The following PTPRO variants were observed in gnomAD, a reference collection of about 807,000 sequenced individuals.
PTPRO encodes receptor-type tyrosine-protein phosphatase O.
A neutral mutation model predicts 145.2 loss-of-function variants in PTPRO; 62 were observed. The ratio of observed to expected loss-of-function variants is 0.43; its 90% CI spans 0.35 to 0.53. The LOEUF (loss-of-function observed/expected upper bound fraction) is 0.53, where lower values mean the gene tolerates loss of function less well. Among genes scored for constraint, PTPRO ranks in the 20% least tolerant of loss-of-function variants. The pLI is 0.01. For missense variants in PTPRO, 1,345 were observed against 1,482.7 expected (o/e 0.91, Z 1.53); for synonymous variants, 565 against 514.7 (o/e 1.10, Z -1.32).
At chr12:15,340,571 CTT>C (rs945614984) in intron 1 of PTPRO, among the ~76,000 whole-genome samples, 1 of 152,124 alleles carries the variant, frequency 6.6e-6, no homozygotes, top group African/African-American at 2.4e-5. Context: ...CAGGCTTATT[CTT>C]TTGTTTTTTA....
chr12:15,524,754 T>C, intron 10 of PTPRO, 60 bp from the exon 11 acceptor site: 1 of 1,532,562 alleles, frequency 6.5e-7, no homozygotes, highest in Non-Finnish European at 9.0e-7. Context: ...CATGCTCTGC[T>C]GGTAAGTACT....
intron 1 of PTPRO, among the ~76,000 whole-genome samples, chr12:15,353,008 A>T (rs1435339681): frequency 6.6e-6 from 1 of 152,210 alleles, no homozygotes; most frequent in Non-Finnish European, 1.5e-5. Context: ...CTGCCTGAGG[A>T]ATTTAATTTA....
chr12:15,361,044 C>T (rs948952661), intron 1 of PTPRO, among the ~76,000 whole-genome samples: 2 of 149,760 alleles, frequency 1.3e-5, no homozygotes, highest in Admixed American at 1.3e-4. Flanking sequence ...TAAACATATA[C>T]AAATATAAGA....
At chr12:15,560,897 C>T (rs1943756450) in intron 17 of PTPRO, among the ~76,000 whole-genome samples, 1 of 152,128 alleles carries the variant, frequency 6.6e-6, no homozygotes, top group African/African-American at 2.4e-5. Context: ...ACTCAGGTCT[C>T]TCTGAAATCT....
chr12:15,552,902 C>T (rs777944183), intron 15 of PTPRO, among the ~76,000 whole-genome samples: 2 of 144,766 alleles, frequency 1.4e-5, no homozygotes, highest in Non-Finnish European at 3.0e-5. Flanking sequence ...CAGGTTCAAG[C>T]GATTCTTCTG....
At chr12:15,415,602 G>A (rs974153827) in intron 1 of PTPRO, among the ~76,000 whole-genome samples, 3 of 151,536 alleles carry the variant, frequency 2.0e-5, no homozygotes, top group African/African-American at 7.3e-5. Context: ...AGCCAGGATG[G>A]TCTCGATCTC....
At chr12:15,429,223 G>A (rs987474196) in intron 1 of PTPRO, among the ~76,000 whole-genome samples, 4 of 152,268 alleles carry the variant, frequency 2.6e-5, no homozygotes, top group African/African-American at 7.2e-5. Context: ...AGATAGAAAT[G>A]TTGAGAACAA....
chr12:15,387,398 C>T (rs766758732), intron 1 of PTPRO, among the ~76,000 whole-genome samples: 1 of 152,150 alleles, frequency 6.6e-6, no homozygotes, highest in Non-Finnish European at 1.5e-5. Flanking sequence ...GATCTCCTTA[C>T]TCCACAGAAC....
intron 8 of PTPRO, among the ~76,000 whole-genome samples, chr12:15,515,994 T>TG (rs1263952182): frequency 7.4e-6 from 1 of 135,898 alleles, no homozygotes; most frequent in Non-Finnish European, 1.6e-5. Flanking sequence ...TTTGTTTTGT[T>TG]TTTTTTTTTT....
intron 4 of PTPRO, among the ~76,000 whole-genome samples, chr12:15,501,083 TTA>T (rs1162521289): frequency 1.3e-5 from 2 of 152,220 alleles, no homozygotes; most frequent in Non-Finnish European, 2.9e-5. Flanking sequence ...CATTTTGAGT[TTA>T]TATGTTTCAT....
intron 1 of PTPRO, among the ~76,000 whole-genome samples, chr12:15,335,058 A>C (rs1315266114): frequency 6.6e-6 from 1 of 152,156 alleles, no homozygotes; most frequent in African/African-American, 2.4e-5. Flanking sequence ...TAGTAAAATT[A>C]CTATGAGCTT....
At chr12:15,539,761 CAAAAAAAAAAAAAAAAAAAA>C (rs56061735) in intron 12 of PTPRO, among the ~76,000 whole-genome samples, 9 of 52,460 alleles carry the variant, frequency 1.7e-4, no homozygotes, top group Admixed American at 1.5e-3. Flanking sequence ...GACTCTGTCT[CAAAAAAAAAAAAAAAAAAAA>C]AAAAAAAAAA....
At chr12:15,516,479 AAG>A (rs77726377) in intron 8 of PTPRO, among the ~76,000 whole-genome samples, 17 of 147,692 alleles carry the variant, frequency 1.2e-4, no homozygotes, top group African/African-American at 1.5e-4. Context: ...GAAAAAGAAA[AAG>A]AGAGAGAAAG....
At chr12:15,349,123 G>A (rs1050271655) in intron 1 of PTPRO, among the ~76,000 whole-genome samples, 1 of 152,174 alleles carries the variant, frequency 6.6e-6, no homozygotes, top group East Asian at 1.9e-4. Context: ...TATAGTAGAT[G>A]TATATAAGTT....
At chr12:15,523,611 C>CA (rs1385522623) in intron 10 of PTPRO, among the ~76,000 whole-genome samples, 1 of 151,884 alleles carries the variant, frequency 6.6e-6, no homozygotes, top group Admixed American at 6.6e-5. Context: ...CCTGTCTCTA[C>CA]AAAAAATATA....
rs545715925 is a variant in PTPRO, at chr12:15,555,110, T to C, written c.2559-2345T>C. Among the ~76,000 whole-genome samples, 377 of 151,994 alleles carry C rather than the reference T, an allele frequency of 2.5e-3. 1 individual carries two copies. The highest frequency in any genetic ancestry group is 8.7e-3 in the African/African-American group (361 of 41,436). On this transcript the variant is annotated intron_variant, in intron 15 of 26. Transcript: ENST00000281171. Reference sequence around the variant, plus strand: ...AAAATTAGCCAGGCGTGGTGGCGGGTGCCTGTAATCCCAGCTACTCAGGAG... The same window carrying C: ...AAAATTAGCCAGGCGTGGTGGCGGGCGCCTGTAATCCCAGCTACTCAGGAG...
rs552069276 is a variant in PTPRO at position 15,380,270 on chromosome 12, A to G, written c.75+57469A>G. Among the ~76,000 whole-genome samples, 7 of 152,246 alleles carry G rather than the reference A, an allele frequency of 4.6e-5. No homozygotes were observed. In the South Asian group the frequency reaches 1.4e-3, roughly 32 times the overall value. ...TCATTCCTTCCATCAGGGGCCATAC[A>G]CTCAAGAGAAAAATAATAGTCAGGG... On this transcript the variant is annotated intron_variant, in intron 1 of 26. Coordinates refer to ENST00000281171, the MANE Select transcript of PTPRO (RefSeq NM_030667.3).
intron 1 of PTPRO, among the ~76,000 whole-genome samples, chr12:15,367,129 C>G (rs957803750): frequency 6.6e-6 from 1 of 152,160 alleles, no homozygotes; most frequent in Non-Finnish European, 1.5e-5. Flanking sequence ...CTACTTTAGA[C>G]AAAGCAATGT....
intron 1 of PTPRO, among the ~76,000 whole-genome samples, chr12:15,336,231 TAAA>T (rs201694522): frequency 6.8e-6 from 1 of 146,372 alleles, no homozygotes; most frequent in Non-Finnish European, 1.5e-5. Context: ...GTGTGTATGT[TAAA>T]AAAAAAAAAG....
Sources: gnomAD v4.1 joint callset for allele counts (sites outside exome capture counted in the v4.1 genomes callset) on GRCh38, gnomAD v4.1.1 for gene constraint, MANE v1.5 for transcripts, NCBI Gene and HGNC (gene_info 2026-07-23, HGNC 2026-07-21) for gene names.